Variants in WNK3 observed in about 807,000 individuals in gnomAD.
The protein encoded by WNK3 is WNK lysine deficient protein kinase 3.
In WNK3, 18 loss-of-function variants were observed where a neutral mutation model predicts 116.7. The observed-to-expected ratio is 0.15, with a 90% CI of 0.11 to 0.23. The LOEUF (loss-of-function observed/expected upper bound fraction) is 0.23. Ranked by LOEUF, WNK3 falls within the 10% of genes least tolerant of loss-of-function variation. WNK3 has a pLI of 1.00. For synonymous variants in WNK3, 404 were observed against 469.4 expected (o/e 0.86, Z 1.80); for missense variants, 993 against 1,323.8 (o/e 0.75, Z 3.88).
intron 22 of WNK3, among the ~76,000 whole-genome samples, chrX:54,217,005 A>G (rs1312624950): frequency 1.8e-5 from 2 of 111,651 alleles, no homozygotes; most frequent in African/African-American, 3.3e-5. Flanking sequence ...GCAAGACCCC[A>G]TCTTTACACA....
chrX:54,308,316 C>T (rs782696597), intron 4 of WNK3, among the ~76,000 whole-genome samples: 5 of 110,302 alleles, frequency 4.5e-5, no homozygotes, highest in African/African-American at 6.6e-5. Context: ...CTCAGCCTCC[C>T]GGGTAGCTGG....
At chrX:54,266,126 C>T (rs186447982) in intron 10 of WNK3, among the ~76,000 whole-genome samples, 2 of 112,214 alleles carry the variant, frequency 1.8e-5, no homozygotes, top group East Asian at 5.6e-4. Flanking sequence ...CAGCAATAAA[C>T]AAGAATGAGA....
At chrX:54,233,726 G>T (rs2067930567) in intron 20 of WNK3, among the ~76,000 whole-genome samples, 1 of 107,490 alleles carries the variant, frequency 9.3e-6, no homozygotes, top group Non-Finnish European at 1.9e-5. Context: ...TGTAATCCCA[G>T]CACTTTGGGA....
chrX:54,240,134 G>A lies in WNK3; in HGVS notation c.3652-1035C>T, dbSNP rs138441959. ...AGACTGGCCAACATGGTGAAACCCC[G>A]TCTCTACTAAAAATACAAAATCAGC... On this transcript the variant is annotated intron_variant, in intron 17 of 23. Coordinates refer to ENST00000354646, the Ensembl canonical transcript of WNK3. Among the ~76,000 whole-genome samples, 806 of 110,256 alleles carry A rather than the reference G, an allele frequency of 7.3e-3. 10 individuals are homozygous for A. The highest frequency in any genetic ancestry group is 0.026 in the African/African-American group (787 of 30,451).
chrX:54,239,200 T>G, intron 17 of WNK3, 101 bp from the exon 18 acceptor site: 1 of 539,465 alleles, frequency 1.9e-6, no homozygotes, highest in Non-Finnish European at 2.6e-6. Flanking sequence ...AAGGTGAAGC[T>G]TTTAAAAAAA....
chrX:54,295,495 T>A (rs1557166117), intron 7 of WNK3, among the ~76,000 whole-genome samples: 1 of 111,725 alleles, frequency 9.0e-6, no homozygotes, highest in East Asian at 2.8e-4. Flanking sequence ...ACATTAAGTG[T>A]CTACAATGTG....
intron 3 of WNK3, among the ~76,000 whole-genome samples, chrX:54,309,735 T>C (rs2068865258): frequency 8.9e-6 from 1 of 111,862 alleles, no homozygotes; most frequent in Non-Finnish European, 1.9e-5. Flanking sequence ...TTTCACCATG[T>C]GGGCCAGGCT....
At chrX:54,198,730 C>CT (rs1418077192) in intron 23 of WNK3, 77 bp from the exon 24 acceptor site, 770 of 720,012 alleles carry the variant, frequency 1.1e-3, no homozygotes, top group Non-Finnish European at 1.2e-3. Flanking sequence ...CCTTCCTATT[C>CT]TTTTTTTTTC....
At chrX:54,328,221 GTCT>G (rs782290641) in intron 2 of WNK3, among the ~76,000 whole-genome samples, 108 of 109,914 alleles carry the variant, frequency 9.8e-4, no homozygotes, top group African/African-American at 3.5e-3. Context: ...GCTCACTGGG[GTCT>G]TCTTCTACAG....
At chrX:54,270,175 G>A (rs1308582808) in intron 10 of WNK3, among the ~76,000 whole-genome samples, 11 of 110,343 alleles carry the variant, frequency 1.0e-4, no homozygotes, top group Non-Finnish European at 1.9e-4. Flanking sequence ...GCGTGATCCC[G>A]GCTCCCTGCA....
At chrX:54,259,174 T>A in intron 11 of WNK3, 100 bp downstream of exon 11, 1 of 300,958 alleles carries the variant, frequency 3.3e-6, no homozygotes, top group Non-Finnish European at 5.6e-6. Flanking sequence ...AGTACAAGAA[T>A]ACAGAAGCTT....
intron 1 of WNK3, among the ~76,000 whole-genome samples, chrX:54,336,576 T>TC (rs2069241027): frequency 9.0e-6 from 1 of 110,996 alleles, no homozygotes; most frequent in Non-Finnish European, 1.9e-5. Context: ...GGAGTAAGTG[T>TC]ATGAGTGGTA....
At chrX:54,252,807 T>C (rs1250450124) in intron 13 of WNK3, among the ~76,000 whole-genome samples, 1 of 110,706 alleles carries the variant, frequency 9.0e-6, no homozygotes, top group African/African-American at 3.3e-5. Flanking sequence ...ACTTTTAAAA[T>C]GTTTAATTCT....
chrX:54,248,219 C>T (rs2068092168), intron 17 of WNK3, among the ~76,000 whole-genome samples: 1 of 108,913 alleles, frequency 9.2e-6, no homozygotes, highest in Admixed American at 9.9e-5. Flanking sequence ...GAGCAAGACT[C>T]CGTCTAGGGT....
At chrX:54,222,921 T>TA (rs1557146913) in intron 22 of WNK3, among the ~76,000 whole-genome samples, 13 of 92,965 alleles carry the variant, frequency 1.4e-4, no homozygotes, top group East Asian at 3.1e-4. Flanking sequence ...TAATAATATA[T>TA]ATATATATAT....
At chrX:54,251,867 AC>A (rs1557154361) in intron 13 of WNK3, among the ~76,000 whole-genome samples, 180 bp from the exon 14 acceptor site, 1 of 110,214 alleles carries the variant, frequency 9.1e-6, no homozygotes, top group East Asian at 2.8e-4. Flanking sequence ...GGAATTTGAG[AC>A]CAGCCTGACC....
intron 12 of WNK3, among the ~76,000 whole-genome samples, 177 bp downstream of exon 12, chrX:54,255,563 T>A (rs1436600874): frequency 8.9e-6 from 1 of 112,148 alleles, no homozygotes; most frequent in Non-Finnish European, 1.9e-5. Context: ...TTCTTTCTTA[T>A]ATTTCCTAAG....
chrX:54,255,887 G>A (rs2068187359), exon 12 of WNK3: 2 of 1,191,503 alleles, frequency 1.7e-6, no homozygotes, highest in Admixed American at 2.3e-5. Flanking sequence ...CTTGATTCAA[G>A]CTAGTAATAT....
chrX:54,238,815 G>A lies in WNK3; in HGVS notation c.3883+53C>T, dbSNP rs977553600. ...TGTATATGAACAACAAAAAAAATAA[G>A]TAAATGAAAAGTGATGTTACCTAGT... On this transcript the variant is annotated intron_variant, in intron 18 of 23. Coordinates refer to ENST00000354646, the Ensembl canonical transcript of WNK3. 1.7e-5 allele frequency: 16 copies of A among 954,150 alleles called. No homozygotes were observed. In the South Asian group the frequency reaches 4.6e-4, roughly 27 times the overall value. The allele number at this position is 954,150 out of a possible 1,213,427, so 78.6% of individuals were successfully genotyped here. A position where few individuals can be genotyped will look rare whatever the true frequency, so the allele number is the denominator to read the frequency against.
Sources: gnomAD v4.1 joint callset for allele counts (sites outside exome capture counted in the v4.1 genomes callset) on GRCh38, gnomAD v4.1.1 for gene constraint, MANE v1.5 for transcripts, NCBI Gene and HGNC (gene_info 2026-07-23, HGNC 2026-07-21) for gene names.